Variants in EYS observed in about 807,000 individuals in gnomAD.
EYS encodes protein eyes shut homolog.
Under a neutral mutation model 282.1 loss-of-function variants are expected in EYS, and 250 were observed. The observed-to-expected ratio is 0.89, with a 90% confidence interval of 0.80 to 0.98. The LOEUF (loss-of-function observed/expected upper bound fraction) is 0.98, where lower values mean the gene tolerates loss of function less well. Ranked by LOEUF, EYS falls within the 50% of genes least tolerant of loss-of-function variation. EYS has a pLI of 0.00. For synonymous variants in EYS, 1,355 were observed against 1,282.9 expected, an observed-to-expected ratio of 1.06 and a Z score of -1.20; for missense variants, 4,016 against 3,709.0, an observed-to-expected ratio of 1.08 and a Z score of -2.15.
At chr6:65,487,922 A>T (rs1389665078) in intron 5 of EYS, among the ~76,000 whole-genome samples, 1 of 152,056 alleles carries the variant, frequency 6.6e-6, no homozygotes, top group African/African-American at 2.4e-5. Context: ...TGTGTCCAGG[A>T]ATTTATCCAT....
chr6:64,580,863 A>G (rs1053911303), intron 26 of EYS, among the ~76,000 whole-genome samples: 2 of 152,096 alleles, frequency 1.3e-5, no homozygotes, highest in African/African-American at 4.8e-5. Flanking sequence ...GAATTCCTAA[A>G]TATAATTCAT....
At chr6:65,622,210 G>A (rs1766528626) in intron 2 of EYS, among the ~76,000 whole-genome samples, 1 of 152,032 alleles carries the variant, frequency 6.6e-6, no homozygotes, top group Non-Finnish European at 1.5e-5. Context: ...CTTCACACAG[G>A]TTAGACACAG....
At chr6:64,887,292 AG>A (rs1361836681) in intron 18 of EYS, among the ~76,000 whole-genome samples, 26 of 41,740 alleles carry the variant, frequency 6.2e-4, no homozygotes, top group Admixed American at 3.8e-3. Flanking sequence ...GGGTGGGGGG[AG>A]GGGGGAGGGA....
intron 28 of EYS, among the ~76,000 whole-genome samples, chr6:64,422,083 GC>G (rs1774253655): frequency 6.6e-6 from 1 of 152,032 alleles, no homozygotes; most frequent in Admixed American, 6.6e-5. Context: ...TAATTATCTA[GC>G]CCCAGTATCA....
At chr6:64,151,980 A>G (rs74342547) in intron 31 of EYS, among the ~76,000 whole-genome samples, 3,770 of 152,174 alleles carry the variant, frequency 0.025, 146 homozygotes, top group African/African-American at 0.086. Flanking sequence ...TTCTTTGAGC[A>G]CTGCCTTTCC....
Position 64,339,682 on chromosome 6 carries a change from G to A in EYS, c.6079-32600C>T, listed in dbSNP as rs115006446. 2.5e-3 allele frequency among the ~76,000 whole-genome samples: 384 copies of A among 151,774 alleles called. 1 individual carries two copies. Among genetic ancestry groups the A allele is most frequent in the African/African-American group, 8.5e-3 (351 of 41,446 alleles). Reference sequence around the variant, plus strand: ...ATACAAAAGATATACTTGCACACGCGTGTTTACTGCAGCACAATTGGATGG... The same window carrying A: ...ATACAAAAGATATACTTGCACACGCATGTTTACTGCAGCACAATTGGATGG... On this transcript the variant is annotated intron_variant, in intron 29 of 42. Transcript: ENST00000503581.
chr6:64,288,027 C>T lies in EYS; in HGVS notation c.6191+18943G>A, dbSNP rs1582539473. ...AATGAAACCCCTGTGAAGAACATTA[C>T]TGTCACTGATATATGAAACTCATTT... On this transcript the variant is annotated intron_variant, in intron 30 of 42. Transcript: ENST00000503581. Among the ~76,000 whole-genome samples, 3 of 152,254 alleles carry T rather than the reference C, an allele frequency of 2.0e-5. No homozygotes were observed. In the South Asian group the frequency reaches 6.2e-4, roughly 32 times the overall value.
intron 2 of EYS, among the ~76,000 whole-genome samples, chr6:65,506,909 T>A (rs1766680619): frequency 6.6e-6 from 1 of 152,184 alleles, no homozygotes; most frequent in Non-Finnish European, 1.5e-5. Context: ...ATTTCACCTA[T>A]CCATAGGCTA....
At chr6:65,112,787 C>T (rs1401397776) in intron 12 of EYS, among the ~76,000 whole-genome samples, 1 of 152,046 alleles carries the variant, frequency 6.6e-6, no homozygotes, top group Non-Finnish European at 1.5e-5. Context: ...CAAAAGCAAG[C>T]TCAATGAAGC....
chr6:65,118,511 G>A (rs554367003), intron 12 of EYS, among the ~76,000 whole-genome samples: 1 of 152,150 alleles, frequency 6.6e-6, no homozygotes, highest in Non-Finnish European at 1.5e-5. Flanking sequence ...CTGGAGGAAG[G>A]CTGAGCCCTT....
intron 32 of EYS, among the ~76,000 whole-genome samples, chr6:64,076,283 C>T (rs1771768458): frequency 6.6e-6 from 1 of 151,960 alleles, no homozygotes; most frequent in Non-Finnish European, 1.5e-5. Context: ...TTTATCACAA[C>T]TATCAAGGTT....
In EYS at chr6:64,000,087, C is replaced by T. The variant is rs189864428; in HGVS notation, c.6726-904G>A. Among the ~76,000 whole-genome samples the T allele has an allele frequency of 7.5e-5, 11 of 147,546 alleles. No individual in the cohort carries two copies. The East Asian group carries it at 1.6e-3, about 22-fold the overall frequency. ...TTTGTATTTTTTAAATTTTGGACAACGATCAGACTTATTTTTTATTTTTTA... is the reference window on the plus strand; with the variant it reads ...TTTGTATTTTTTAAATTTTGGACAATGATCAGACTTATTTTTTATTTTTTA... On this transcript the variant is annotated intron_variant, in intron 33 of 42. Coordinates refer to ENST00000503581, the MANE Select transcript of EYS (RefSeq NM_001142800.2).
intron 8 of EYS, among the ~76,000 whole-genome samples, chr6:65,363,059 T>C (rs1166916179): frequency 1.3e-5 from 2 of 152,044 alleles, no homozygotes; most frequent in Non-Finnish European, 2.9e-5. Context: ...GCCATGACAT[T>C]ACACCTTTGT....
intron 2 of EYS, among the ~76,000 whole-genome samples, chr6:65,504,663 T>G (rs1766591327): frequency 6.6e-6 from 1 of 151,530 alleles, no homozygotes; most frequent in African/African-American, 2.4e-5. Context: ...TATAAAAAAT[T>G]TTTCCTTTAG....
chr6:63,892,301 G>T (rs559670819), intron 35 of EYS, among the ~76,000 whole-genome samples: 2 of 152,118 alleles, frequency 1.3e-5, no homozygotes, highest in African/African-American at 4.8e-5. Context: ...AACAAAGCTG[G>T]AGGCATCACA....
chr6:63,723,485 A>G lies in EYS; in HGVS notation c.8234-1688T>C, dbSNP rs917279908. On this transcript the variant is annotated intron_variant, in intron 42 of 42. Coordinates refer to ENST00000503581, the MANE Select transcript of EYS (RefSeq NM_001142800.2). Reference sequence around the variant, plus strand: ...TTGTGTTGTAGAGTGTTCCTGTAGTAAACAATTTTATAGTGAAGAGCTACA... The same window carrying G: ...TTGTGTTGTAGAGTGTTCCTGTAGTGAACAATTTTATAGTGAAGAGCTACA... Among the ~76,000 whole-genome samples the G allele has an allele frequency of 3.9e-5, 6 of 152,260 alleles. No homozygotes were observed. The South Asian group carries it at 6.2e-4, about 16-fold the overall frequency.
At chr6:64,914,406 T>G (rs1430731108) in intron 15 of EYS, among the ~76,000 whole-genome samples, 1 of 152,124 alleles carries the variant, frequency 6.6e-6, no homozygotes, top group Non-Finnish European at 1.5e-5. Flanking sequence ...ACTGATAGAT[T>G]AGATTTTTAA....
intron 22 of EYS, among the ~76,000 whole-genome samples, chr6:64,792,208 GC>G (rs1774212919): frequency 1.3e-5 from 2 of 151,726 alleles, no homozygotes; most frequent in Admixed American, 6.6e-5. Context: ...TATTAACCTT[GC>G]CCAAATTATT....
chr6:63,956,475 C>T (rs1449806334), intron 35 of EYS, among the ~76,000 whole-genome samples: 1 of 152,200 alleles, frequency 6.6e-6, no homozygotes, highest in Non-Finnish European at 1.5e-5. Flanking sequence ...AGCTTTATCG[C>T]TCACACAAAG....
Sources: allele counts gnomAD v4.1 joint callset (sites outside exome capture counted in the v4.1 genomes callset), GRCh38; gene constraint gnomAD v4.1.1; transcripts MANE v1.5; gene names NCBI Gene and HGNC (gene_info 2026-07-23, HGNC 2026-07-21).